Variants in MTFP1 observed in about 807,000 individuals in gnomAD.
MTFP1 encodes mitochondrial fission process protein 1.
Under a neutral mutation model 17.1 loss-of-function variants are expected in MTFP1, and 19 were observed. That is an observed-to-expected ratio of 1.11 (90% CI 0.77 to 1.63). The LOEUF is 1.63. MTFP1 is among the 40% of genes most tolerant of loss of function. The pLI is 0.00. For synonymous variants in MTFP1, 89 were observed against 95.2 expected (o/e 0.93, Z 0.38); for missense variants, 221 against 226.2 (o/e 0.98, Z 0.15).
intron 3 of MTFP1, among the ~76,000 whole-genome samples, chr22:30,427,740 A>G (rs1934699196): frequency 6.6e-6 from 1 of 152,198 alleles, no homozygotes; most frequent in Non-Finnish European, 1.5e-5. Flanking sequence ...TTTGGGAGGT[A>G]TTGGTGACAG....
chr22:30,428,352 G>A, intron 3 of MTFP1, 110 bp from the exon 4 acceptor site: 1 of 886,046 alleles, frequency 1.1e-6, no homozygotes, highest in Non-Finnish European at 1.8e-6. Context: ...TGGCTGGATG[G>A]CATTTGTATC....
chr22:30,427,023 C>T (rs945102944), intron 2 of MTFP1, 148 bp from the exon 3 acceptor site: 1 of 1,352,030 alleles, frequency 7.4e-7, no homozygotes, highest in South Asian at 1.2e-5. Flanking sequence ...CACTCCCACT[C>T]CCCGAACTGG....
Position 30,425,871 on chromosome 22 carries a change from G to C in MTFP1, c.-9G>C. On this transcript the variant is annotated 5_prime_UTR_variant, in exon 1 of 4. Coordinates refer to ENST00000266263, the MANE Select transcript of MTFP1 (RefSeq NM_016498.5). ...CGGCTGTAGTGGCCGGGGCCGTGGC[G>C]GGAGAGTCATGTCAGAGCCGCAGCC... is the stretch of plus-strand genomic sequence containing the variant. 3.3e-6 allele frequency: 5 copies of C among 1,533,280 alleles called. No homozygotes were observed. The highest frequency in any genetic ancestry group is 4.4e-6 in the Non-Finnish European group (5 of 1,140,830). 95.0% of individuals were successfully genotyped at this position (1,533,280 alleles called of 1,614,324 possible).
At position 30,426,851 on chromosome 22, in the gene MTFP1, G is replaced by A. The variant is rs371532514; in HGVS notation, c.195+7G>A. Reference sequence around the variant, plus strand: ...AGGCAAGAAGGCTGGAGAGGTGAGTGTTAGCCTATTTTCCAACCCCCAACC... The same window carrying A: ...AGGCAAGAAGGCTGGAGAGGTGAGTATTAGCCTATTTTCCAACCCCCAACC... On this transcript the variant is annotated splice_region_variant and intron_variant, in intron 2 of 3. Coordinates refer to ENST00000266263, the MANE Select transcript of MTFP1 (RefSeq NM_016498.5). 62 of 1,608,130 alleles carry A rather than the reference G, an allele frequency of 3.9e-5. No individual in the cohort carries two copies. Among genetic ancestry groups the A allele is most frequent in the Non-Finnish European group, 5.1e-5 (60 of 1,179,812 alleles).
intron 1 of MTFP1, among the ~76,000 whole-genome samples, 192 bp from the exon 2 acceptor site, chr22:30,426,525 C>T (rs1934671407): frequency 6.6e-6 from 1 of 152,164 alleles, no homozygotes; most frequent in African/African-American, 2.4e-5. Flanking sequence ...CTCAGTCCGC[C>T]CTCAGTGGCC....
chr22:30,425,904 G>A lies in MTFP1; in HGVS notation c.25G>A (p.Ala9Thr), dbSNP rs969962190. The A allele has an allele frequency of 5.2e-6, 8 of 1,533,922 alleles. No homozygotes were observed. The Admixed American group carries it at 6.1e-5, about 12-fold the overall frequency. Residue 9 changes from alanine to threonine, a missense_variant, in exon 1 of 4, where the codon GCA becomes ACA. By Grantham distance (58) the Ala-to-Thr change is moderately conservative. Transcript: ENST00000266263. Reference sequence around the variant, plus strand: ...CATGTCAGAGCCGCAGCCGCGGGGCGCAGAGCGCGATCTCTACCGGGACAC... The same window carrying A: ...CATGTCAGAGCCGCAGCCGCGGGGCACAGAGCGCGATCTCTACCGGGACAC... MSEPQPRG[A>T]ERDLYRDTWV...
Position 30,427,278 on chromosome 22 carries a change from C to G in MTFP1, c.303C>G (p.Asn101Lys), listed in dbSNP as rs770360494. 2 of 1,613,974 alleles carry G rather than the reference C, an allele frequency of 1.2e-6. No homozygotes were observed. Among genetic ancestry groups the G allele is most frequent in the African/African-American group, 2.7e-5 (2 of 74,926 alleles). ...ASVAIPGFTINRVCAASLYVL... is the reference protein window; with the variant it reads ...ASVAIPGFTIKRVCAASLYVL... ...TGGCCATTCCGGGCTTCACCATCAA[C>G]CGCGTGTGTGCTGCCTCTCTCTATG... The change falls in exon 3 of 4, where the codon AAC (asparagine) becomes AAG (lysine). Residue 101 changes from asparagine to lysine, a missense_variant. Asn to Lys is a moderately conservative substitution (Grantham distance 94). Transcript: ENST00000266263.
At chr22:30,427,007 C>T (rs1411431489) in intron 2 of MTFP1, 163 bp downstream of exon 2, 2 of 1,353,240 alleles carry the variant, frequency 1.5e-6, no homozygotes, top group African/African-American at 1.4e-5. Flanking sequence ...TGTACCCCTG[C>T]CCCCACACTC....
Position 30,428,486 on chromosome 22 carries a change from C to T in MTFP1, c.453C>T (p.Ser151=), listed in dbSNP as rs779575095. ...GGTCGGTGGATTTCCTCCTGGACTCCAGCCTGCGCAAGCTCTACCCAACAG... is the reference window on the plus strand; with the variant it reads ...GGTCGGTGGATTTCCTCCTGGACTCTAGCCTGCGCAAGCTCTACCCAACAG... The part of the protein sequence containing the change: ...IDRSVDFLLD[S]SLRKLYPTVG... Residue 151 remains serine (S), a synonymous_variant, in exon 4 of 4, where the codon TCC becomes TCT. Coordinates refer to ENST00000266263, the MANE Select transcript of MTFP1 (RefSeq NM_016498.5). 3 of 1,614,150 alleles carry T rather than the reference C, an allele frequency of 1.9e-6. No individual in the cohort carries two copies. The highest frequency in any genetic ancestry group is 2.5e-6 in the Non-Finnish European group (3 of 1,180,006).
intron 3 of MTFP1, 37 bp downstream of exon 3, chr22:30,427,440 C>CAT: frequency 6.3e-7 from 1 of 1,576,242 alleles, no homozygotes; most frequent in Non-Finnish European, 8.7e-7. Context: ...CATCCACTCT[C>CAT]CAGTGATGAG....
Position 30,425,917 on chromosome 22 carries a change from T to G in MTFP1, c.38T>G (p.Leu13Arg). ...EPQPRGAERD[L>R]YRDTWVRYLG... is the part of the protein sequence containing the mutation. ...CAGCCGCGGGGCGCAGAGCGCGATC[T>G]CTACCGGGACACGTGGGTGCGATAC... Residue 13 changes from leucine to arginine, a missense_variant, in exon 1 of 4, where the codon CTC (leucine) becomes CGC (arginine). Leu to Arg is a moderately radical substitution (Grantham distance 102). Coordinates refer to ENST00000266263, the MANE Select transcript of MTFP1 (RefSeq NM_016498.5). 1 of 1,534,572 alleles carries G rather than the reference T, an allele frequency of 6.5e-7. No homozygotes were observed. Among genetic ancestry groups the G allele is most frequent in the Non-Finnish European group, 8.8e-7 (1 of 1,140,928 alleles).
rs1421032149 is a variant in MTFP1 at position 30,428,451 on chromosome 22, A to G, written c.429-11A>G. The G allele has an allele frequency of 1.9e-6, 3 of 1,611,550 alleles. No homozygotes were observed. Among genetic ancestry groups the G allele is most frequent in the Non-Finnish European group, 8.5e-7 (1 of 1,178,978 alleles). On this transcript the variant is annotated splice_polypyrimidine_tract_variant and intron_variant, in intron 3 of 3. Coordinates refer to ENST00000266263, the MANE Select transcript of MTFP1 (RefSeq NM_016498.5). ...TTGGTCACCTGCTCACCACCCTTCC[A>G]CTCCCTACAGGTCGGTGGATTTCCT...
Position 30,428,823 on chromosome 22 carries a change from C to A in MTFP1, c.*289C>A. On this transcript the variant is annotated 3_prime_UTR_variant, in exon 4 of 4. Coordinates refer to ENST00000266263, the MANE Select transcript of MTFP1 (RefSeq NM_016498.5). Reference sequence around the variant, plus strand: ...CTTTTTCAGGAAAATTACATCCTCCCATGGAGGATGAGAGACTGAGGCTCA... The same window carrying A: ...CTTTTTCAGGAAAATTACATCCTCCAATGGAGGATGAGAGACTGAGGCTCA... 1.4e-6 allele frequency: 1 copy of A among 702,310 alleles called. No individual in the cohort carries two copies. The highest frequency in any genetic ancestry group is 2.4e-6 in the Non-Finnish European group (1 of 417,914). 43.5% of individuals were successfully genotyped at this position (702,310 alleles called of 1,614,324 possible).
intron 2 of MTFP1, 102 bp from the exon 3 acceptor site, chr22:30,427,068 CA>C: frequency 1.4e-6 from 2 of 1,420,090 alleles, no homozygotes; most frequent in Non-Finnish European, 2.0e-6. Context: ...TGGGTGCGGA[CA>C]AGTCCACTGG....
Position 30,428,541 on chromosome 22 carries a change from T to G in MTFP1, c.*7T>G. The stretch of plus-strand genomic sequence containing the variant: ...GAAGCCCAGCTCCTCCTGATCATAC[T>G]CTGGTACCTGGCCTGTGCATCGGCC... On this transcript the variant is annotated 3_prime_UTR_variant, in exon 4 of 4. Transcript: ENST00000266263. 1 of 1,614,152 alleles carries G rather than the reference T, an allele frequency of 6.2e-7. No individual in the cohort carries two copies. Among genetic ancestry groups the G allele is most frequent in the Non-Finnish European group, 8.5e-7 (1 of 1,180,012 alleles).
chr22:30,427,634 A>G (rs1428713625), intron 3 of MTFP1, among the ~76,000 whole-genome samples: 1 of 152,234 alleles, frequency 6.6e-6, no homozygotes, highest in Non-Finnish European at 1.5e-5. Context: ...CGTTGAGGGT[A>G]TGGGACACAG....
At position 30,428,510 on chromosome 22, in the gene MTFP1, A is replaced by C. The variant is rs1172539069; in HGVS notation, c.477A>C (p.Thr159=). ...LDSSLRKLYP[T]VGKPSSS ...CCAGCCTGCGCAAGCTCTACCCAAC[A>C]GTGGGGAAGCCCAGCTCCTCCTGAT... The change falls in exon 4 of 4, where the codon ACA becomes ACC. Residue 159 remains threonine (T), a synonymous_variant. Transcript: ENST00000266263. 6.2e-7 allele frequency: 1 copy of C among 1,614,114 alleles called. No homozygotes were observed. Among genetic ancestry groups the C allele is most frequent in the Non-Finnish European group, 8.5e-7 (1 of 1,180,014 alleles).
chr22:30,427,438 C>G, intron 3 of MTFP1, 35 bp downstream of exon 3: 1 of 1,579,224 alleles, frequency 6.3e-7, no homozygotes, highest in South Asian at 1.1e-5. Context: ...ATCATCCACT[C>G]TCCAGTGATG....
Position 30,428,829 on chromosome 22 carries a change from G to A in MTFP1, c.*295G>A. On this transcript the variant is annotated 3_prime_UTR_variant, in exon 4 of 4. Transcript: ENST00000266263. ...CAGGAAAATTACATCCTCCCATGGA[G>A]GATGAGAGACTGAGGCTCAGGGAGG... The A allele has an allele frequency of 1.5e-6, 1 of 683,900 alleles. No individual in the cohort carries two copies. Among genetic ancestry groups the A allele is most frequent in the Non-Finnish European group, 2.5e-6 (1 of 405,308 alleles). 42.4% of individuals were successfully genotyped at this position (683,900 alleles called of 1,614,324 possible).
Sources: allele counts gnomAD v4.1 joint callset (sites outside exome capture counted in the v4.1 genomes callset), GRCh38; gene constraint gnomAD v4.1.1; transcripts MANE v1.5; gene names NCBI Gene and HGNC (gene_info 2026-07-23, HGNC 2026-07-21).